PCDH15: variants seen among roughly 807,000 people sequenced by gnomAD.
The protein encoded by PCDH15 is protocadherin-15.
Under a neutral mutation model 178.5 loss-of-function variants are expected in PCDH15, and 129 were observed. The ratio of observed to expected loss-of-function variants is 0.72; its 90% confidence interval spans 0.63 to 0.84. The LOEUF (loss-of-function observed/expected upper bound fraction) is 0.84, where lower values mean the gene tolerates loss of function less well. PCDH15 is among the 40% of genes least tolerant of loss of function. The probability of loss-of-function intolerance (pLI) is 0.00; values close to 1 mark genes in which losing one functional copy is unlikely to be tolerated. For synonymous variants in PCDH15, 800 were observed against 732.0 expected, an observed-to-expected ratio of 1.09 and a Z score of -1.50; for missense variants, 2,230 against 2,099.9, an observed-to-expected ratio of 1.06 and a Z score of -1.21.
intron 1 of PCDH15, among the ~76,000 whole-genome samples, chr10:54,796,246 CTATCTATCTATCTATCTATCTATCTATG>C (rs1451030437): frequency 9.8e-5 from 10 of 102,172 alleles, no homozygotes; most frequent in African/African-American, 4.4e-4. Flanking sequence ...ATCTATCTAT[CTATCTATCTATCTATCTATCTATCTATG>C]TATCTATGTA....
At chr10:55,403,619 A>G (rs906072208) in intron 2 of PCDH15, among the ~76,000 whole-genome samples, 2 of 151,858 alleles carry the variant, frequency 1.3e-5, no homozygotes, top group Non-Finnish European at 2.9e-5. Flanking sequence ...TTTATTAAAG[A>G]GGGTGTTCTT....
rs562292036 is a variant in PCDH15 at position 55,300,239 on chromosome 10, T to C, written c.-156+19360A>G. On this transcript the variant is annotated intron_variant, in intron 1 of 5. Transcript: ENST00000458638. ...ACCTACTATTCTACAGTGATATTTT[T>C]CTTTAGAGGCCACTGCTCAAAATGA... 1.1e-4 allele frequency among the ~76,000 whole-genome samples: 17 copies of C among 152,286 alleles called. No homozygotes were observed. In the South Asian group the frequency reaches 1.7e-3, roughly 15 times the overall value.
At chr10:54,568,026 C>T (rs546886887) in intron 2 of PCDH15, among the ~76,000 whole-genome samples, 2 of 152,084 alleles carry the variant, frequency 1.3e-5, no homozygotes, top group African/African-American at 2.4e-5. Flanking sequence ...AACCTTGGGC[C>T]CACTTGAGAA....
chr10:53,911,782 T>C (rs1004495864), intron 25 of PCDH15, among the ~76,000 whole-genome samples: 3 of 152,140 alleles, frequency 2.0e-5, no homozygotes, highest in African/African-American at 7.2e-5. Context: ...TAACAGGCTC[T>C]GAAATTGAGG....
intron 1 of PCDH15, among the ~76,000 whole-genome samples, chr10:54,773,227 T>C (rs1949299631): frequency 6.6e-6 from 1 of 152,136 alleles, no homozygotes; most frequent in Non-Finnish European, 1.5e-5. Context: ...AACCTGCATA[T>C]GCTGCACATG....
At chr10:53,950,860 T>C (rs1365683142) in intron 23 of PCDH15, among the ~76,000 whole-genome samples, 1 of 152,202 alleles carries the variant, frequency 6.6e-6, no homozygotes, top group African/African-American at 2.4e-5. Flanking sequence ...CTAAAATATA[T>C]AAAGAGATAA....
intron 8 of PCDH15, among the ~76,000 whole-genome samples, chr10:54,244,671 T>G (rs1190907001): frequency 6.6e-6 from 1 of 152,216 alleles, no homozygotes; most frequent in Non-Finnish European, 1.5e-5. Flanking sequence ...TCTCACATTC[T>G]TATCCATTTC....
intron 21 of PCDH15, among the ~76,000 whole-genome samples, chr10:53,963,104 C>T (rs1007572754): frequency 6.6e-6 from 1 of 152,144 alleles, no homozygotes; most frequent in Non-Finnish European, 1.5e-5. Flanking sequence ...CTGGACTTGA[C>T]ACTTTGGTGT....
rs1391947503 is a variant in PCDH15, at chr10:54,023,171, A to G, written c.2247T>C (p.Asn749=). The G allele has an allele frequency of 1.2e-6, 2 of 1,613,716 alleles. No individual in the cohort carries two copies. Among genetic ancestry groups the G allele is most frequent in the Admixed American group, 3.3e-5 (2 of 59,958 alleles). ...VKATDPDAGI[N]GQVHYSLGNF... ...TACCCAAACTGTAGTGCACTTGACC[A>G]TTTATTCCAGCATCAGGGTCTGTTG... The change falls in exon 19 of 38, where the codon AAT becomes AAC. Residue 749 remains asparagine, a synonymous_variant. Transcript: ENST00000644397.
intron 1 of PCDH15, among the ~76,000 whole-genome samples, chr10:54,673,679 C>T (rs1413047124): frequency 6.6e-6 from 1 of 152,158 alleles, no homozygotes; most frequent in Non-Finnish European, 1.5e-5. Context: ...CTCAGATGAT[C>T]TGCCCTCCTT....
chr10:55,229,573 C>T (rs1197973323), intron 1 of PCDH15, among the ~76,000 whole-genome samples: 1 of 151,866 alleles, frequency 6.6e-6, no homozygotes, highest in African/African-American at 2.4e-5. Context: ...AATTTCTTAT[C>T]AACAGCATGA....
At chr10:55,202,146 T>C (rs576749681) in intron 1 of PCDH15, among the ~76,000 whole-genome samples, 6 of 152,192 alleles carry the variant, frequency 3.9e-5, no homozygotes, top group African/African-American at 1.2e-4. Context: ...AAGCTACCAA[T>C]GTATGGAGCT....
At chr10:54,384,993 T>G (rs982778783) in intron 3 of PCDH15, among the ~76,000 whole-genome samples, 1 of 152,124 alleles carries the variant, frequency 6.6e-6, no homozygotes, top group African/African-American at 2.4e-5. Context: ...AGTGAATCAA[T>G]GAACATATTT....
At chr10:55,511,711 T>C (rs1840889069) in intron 2 of PCDH15, among the ~76,000 whole-genome samples, 1 of 152,114 alleles carries the variant, frequency 6.6e-6, no homozygotes, top group Admixed American at 6.6e-5. Flanking sequence ...ATCTCTTTTA[T>C]TAAGCCCAAA....
At chr10:55,263,063 C>A (rs1842189726) in intron 1 of PCDH15, among the ~76,000 whole-genome samples, 2 of 152,080 alleles carry the variant, frequency 1.3e-5, no homozygotes, top group African/African-American at 4.8e-5. Flanking sequence ...GATGAGGCAA[C>A]TTTTCCTGTT....
At chr10:54,997,971 T>A (rs1362958156) in intron 2 of PCDH15, among the ~76,000 whole-genome samples, 5 of 152,168 alleles carry the variant, frequency 3.3e-5, no homozygotes, top group Admixed American at 1.3e-4. Context: ...TTCTCATCTA[T>A]AAAATCCAAT....
chr10:55,268,647 A>G (rs934624022), intron 1 of PCDH15, among the ~76,000 whole-genome samples: 1 of 152,172 alleles, frequency 6.6e-6, no homozygotes, highest in African/African-American at 2.4e-5. Flanking sequence ...ACATAAAACA[A>G]ATTTTTAATA....
intron 2 of PCDH15, among the ~76,000 whole-genome samples, chr10:54,582,309 C>G (rs1271721084): frequency 6.6e-6 from 1 of 151,984 alleles, no homozygotes; most frequent in African/African-American, 2.4e-5. Context: ...ATACAAACAG[C>G]CAACAAACAA....
At chr10:55,267,442 T>TTAG (rs1842329369) in intron 1 of PCDH15, among the ~76,000 whole-genome samples, 2 of 152,176 alleles carry the variant, frequency 1.3e-5, no homozygotes, top group African/African-American at 4.8e-5. Flanking sequence ...GAAGTGTATG[T>TTAG]CAGCAAAATT....
Sources: allele counts gnomAD v4.1 joint callset (sites outside exome capture counted in the v4.1 genomes callset), GRCh38; gene constraint gnomAD v4.1.1; transcripts MANE v1.5; gene names NCBI Gene and HGNC (gene_info 2026-07-23, HGNC 2026-07-21).